The following SLFN13 variants were observed in gnomAD, a reference collection of about 807,000 sequenced individuals.
The protein encoded by SLFN13 is schlafen-13.
In SLFN13, 43 loss-of-function variants were observed where a neutral mutation model predicts 50.6. The observed-to-expected ratio is 0.85, with a 90% confidence interval of 0.67 to 1.09. The LOEUF (loss-of-function observed/expected upper bound fraction) is 1.09, where lower values mean the gene tolerates loss of function less well. SLFN13 is among the 50% of genes least tolerant of loss of function. The pLI is 0.00. For missense variants in SLFN13, 881 were observed against 1,071.1 expected (o/e 0.82, Z 2.48); for synonymous variants, 339 against 386.5 (o/e 0.88, Z 1.44).
rs1351790272 is a variant in SLFN13 at position 35,438,151 on chromosome 17, T to C, written c.*2444A>G. On this transcript the variant is annotated 3_prime_UTR_variant, in exon 6 of 6. Transcript: ENST00000285013. ...AATTTACAGTTAATCTTGCTTAATC[T>C]TTTACTGGCTCATTTTTGGCTGTAT... is the stretch of plus-strand genomic sequence containing the variant. 1 of 152,000 alleles carries C rather than the reference T, an allele frequency of 6.6e-6. No individual in the cohort carries two copies. The highest frequency in any genetic ancestry group is 6.5e-5 in the Admixed American group (1 of 15,274). The allele number at this position is 152,000 out of a possible 1,614,324, so 9.4% of individuals were successfully genotyped here.
chr17:35,444,685 C>G lies in SLFN13; in HGVS notation c.996G>C (p.Met332Ile), dbSNP rs76028732. ...AGGGGCGGATGTACTTCTCCCTCAC[C>G]ATCCATGACTTGGGAGCTTCCGAGA... ...VVFSEAPKSW[M>I]VREKYIRPLT... Residue 332 changes from methionine to isoleucine, a missense_variant, in exon 3 of 6, where the codon ATG becomes ATC. Physicochemically the swap from Met to Ile is conservative, Grantham distance 10. Transcript: ENST00000285013. 4 of 1,614,200 alleles carry G rather than the reference C, an allele frequency of 2.5e-6. No individual in the cohort carries two copies. In the Admixed American group the frequency reaches 6.7e-5, roughly 27 times the overall value.
At position 35,440,247 on chromosome 17, in the gene SLFN13, G is replaced by A. The variant is rs902873867; in HGVS notation, c.*348C>T. On this transcript the variant is annotated 3_prime_UTR_variant, in exon 6 of 6. Coordinates refer to ENST00000285013, the MANE Select transcript of SLFN13 (RefSeq NM_144682.6). ...AAAAGAACTCGAGAACTCCAGCCTTGGAAGAAAGGCCACAGGCTGAGTTTC... is the reference window on the plus strand; with the variant it reads ...AAAAGAACTCGAGAACTCCAGCCTTAGAAGAAAGGCCACAGGCTGAGTTTC... 28 of 230,638 alleles carry A rather than the reference G, an allele frequency of 1.2e-4. No homozygotes were observed. In the Admixed American group the frequency reaches 1.4e-3, roughly 12 times the overall value. 14.3% of individuals were successfully genotyped at this position (230,638 alleles called of 1,614,324 possible). A position where few individuals can be genotyped will look rare whatever the true frequency, so the allele number is the denominator to read the frequency against.
intron 3 of SLFN13, 53 bp downstream of exon 3, chr17:35,444,562 G>A (rs1371075394): frequency 8.2e-6 from 12 of 1,468,152 alleles, no homozygotes; most frequent in Admixed American, 1.9e-5. Flanking sequence ...GAAGGAAGTG[G>A]TATTGGGGAA....
chr17:35,440,959 G>A lies in SLFN13; in HGVS notation c.2330C>T (p.Thr777Ile), dbSNP rs1459924720. The change falls in exon 6 of 6, where the codon ACA becomes ATA. Residue 777 changes from threonine to isoleucine, a missense_variant. Physicochemically the swap from Thr to Ile is moderately conservative, Grantham distance 89. Around this residue, in one of 5 missense-constraint regions of SLFN13, gnomAD observed 322 missense variants for 327.4 expected, o/e 0.98. Coordinates refer to ENST00000285013, the MANE Select transcript of SLFN13 (RefSeq NM_144682.6). ...AKWVPGVPGN[T>I]KIIKNFTLEQ... ...CAAAGTAAAGTTTTTAATAATCTTT[G>A]TGTTGCCTGGAACACCTGGAACCCA... The A allele has an allele frequency of 4.3e-6, 7 of 1,613,126 alleles. No homozygotes were observed. The African/African-American group carries it at 9.3e-5, about 22-fold the overall frequency.
Position 35,442,156 on chromosome 17 carries a change from T to C in SLFN13, c.1329A>G (p.Arg443=). Residue 443 remains arginine (R), a synonymous_variant, in exon 5 of 6, where the codon AGA becomes AGG. Coordinates refer to ENST00000285013, the MANE Select transcript of SLFN13 (RefSeq NM_144682.6). ...PFSQGIVILS[R]SWAVDLNLQE... ...GCAAGTTCAGGTCCACAGCCCAGCT[T>C]CTAGAGAGGATCACAATTCCCTGGG... 1 of 1,614,228 alleles carries C rather than the reference T, an allele frequency of 6.2e-7. No individual in the cohort carries two copies.
chr17:35,444,232 T>G lies in SLFN13; in HGVS notation c.1067-312A>C, dbSNP rs186039921. On this transcript the variant is annotated intron_variant, in intron 3 of 5. Transcript: ENST00000285013. Reference sequence around the variant, plus strand: ...TAATCATCAGGTTTTTATATCCCTGTGCACGCACCTCCACTAACCTCAACT... The same window carrying G: ...TAATCATCAGGTTTTTATATCCCTGGGCACGCACCTCCACTAACCTCAACT... Among the ~76,000 whole-genome samples, 276 of 152,346 alleles carry G rather than the reference T, an allele frequency of 1.8e-3. 2 individuals carry two copies. The highest frequency in any genetic ancestry group is 6.1e-3 in the African/African-American group (255 of 41,584).
intron 3 of SLFN13, 38 bp downstream of exon 3, chr17:35,444,577 T>C (rs374996671): frequency 1.3e-6 from 2 of 1,566,246 alleles, no homozygotes; most frequent in African/African-American, 2.7e-5. Context: ...GGGGAAGAGG[T>C]AGAAAGGTCA....
At chr17:35,448,330 C>G (rs1462199727) in intron 1 of SLFN13, 1 of 152,270 alleles carries the variant, frequency 6.6e-6, no homozygotes, top group African/African-American at 2.4e-5. Context: ...GTTCCGCCCC[C>G]GCGGAAACCG....
chr17:35,441,074 C>T lies in SLFN13; in HGVS notation c.2215G>A (p.Glu739Lys), dbSNP rs146777094. Residue 739 changes from glutamate (E) to lysine (K), a missense_variant, in exon 6 of 6, where the codon GAG (glutamate) becomes AAG (lysine). Transcript: ENST00000285013. ...RVVRNADEIA[E>K]YIQQEMQLII... Reference sequence around the variant, plus strand: ...AGTTGCATTTCTTGTTGTATGTACTCGGCTATTTCATCTGCATTGCGAACT... The same window carrying T: ...AGTTGCATTTCTTGTTGTATGTACTTGGCTATTTCATCTGCATTGCGAACT... The T allele has an allele frequency of 5.6e-6, 9 of 1,613,760 alleles. No individual in the cohort carries two copies. The highest frequency in any genetic ancestry group is 2.2e-5 in the South Asian group (2 of 91,078).
chr17:35,449,258 AAAT>A (rs370054119), upstream of SLFN13, among the ~76,000 whole-genome samples: 43 of 140,852 alleles, frequency 3.1e-4, no homozygotes, highest in African/African-American at 8.2e-4. Context: ...AAAAAAAAAA[AAAT>A]GTCTGGAAAC....
At chr17:35,447,636 C>T (rs769640138) in intron 1 of SLFN13, among the ~76,000 whole-genome samples, 16 of 152,186 alleles carry the variant, frequency 1.1e-4, no homozygotes, top group Non-Finnish European at 1.5e-4. Context: ...CCCCACCCCA[C>T]TGAGGAAAAC....
At chr17:35,445,894 A>C (rs888403542) in intron 2 of SLFN13, 2 of 501,670 alleles carry the variant, frequency 4.0e-6, no homozygotes, top group African/African-American at 3.9e-5. Context: ...ATCATCTGTG[A>C]CATGGGCTCT....
At position 35,436,558 on chromosome 17, in the gene SLFN13, C is replaced by T. The variant is rs1180653463; in HGVS notation, c.*4037G>A. ...GCACAGTAGGGAAACCTGGCAGACG[C>T]CACTTTATCCAAATGATCAGAGTTA... On this transcript the variant is annotated 3_prime_UTR_variant, in exon 6 of 6. Transcript: ENST00000285013. 1 of 152,030 alleles carries T rather than the reference C, an allele frequency of 6.6e-6. No individual in the cohort carries two copies. Among genetic ancestry groups the T allele is most frequent in the Non-Finnish European group, 1.5e-5 (1 of 68,026 alleles). 9.4% of individuals were successfully genotyped at this position (152,030 alleles called of 1,614,324 possible).
In SLFN13 at chr17:35,438,927, T is replaced by C. The variant is rs1244740894; in HGVS notation, c.*1668A>G. 4.6e-5 allele frequency: 7 copies of C among 152,178 alleles called. No homozygotes were observed. The highest frequency in any genetic ancestry group is 8.8e-5 in the Non-Finnish European group (6 of 68,010). The allele number at this position is 152,178 out of a possible 1,614,324, so 9.4% of individuals were successfully genotyped here. ...TTAAGTATCAGTGTTTTTAGTTTGA[T>C]GAATGATCATACAGCTGTGTTCTCA... On this transcript the variant is annotated 3_prime_UTR_variant, in exon 6 of 6. Coordinates refer to ENST00000285013, the MANE Select transcript of SLFN13 (RefSeq NM_144682.6).
At chr17:35,444,287 G>A (rs1182845765) in intron 3 of SLFN13, among the ~76,000 whole-genome samples, 1 of 152,162 alleles carries the variant, frequency 6.6e-6, no homozygotes, top group Non-Finnish European at 1.5e-5. Context: ...ACTAGCTCTT[G>A]TCTCCCAGAG....
chr17:35,441,086 CT>C lies in SLFN13; in HGVS notation c.2202del (p.Asp735MetfsTer3). ...TGTTGTATGTACTCGGCTATTTCAT[CT>C]GCATTGCGAACTACTCTGGTGAGCT... Reference protein sequence around the residue: ...REELTRVVRNADEIAEYIQQE... With the variant: ...REELTRVVRNXDEIAEYIQQE... On this transcript the variant is annotated frameshift_variant, in exon 6 of 6. Transcript: ENST00000285013. LOFTEE classifies it low-confidence loss of function (END_TRUNC). 4.3e-6 allele frequency: 7 copies of C among 1,614,032 alleles called. No homozygotes were observed. The highest frequency in any genetic ancestry group is 5.1e-6 in the Non-Finnish European group (6 of 1,180,008).
Position 35,444,769 on chromosome 17 carries a change from C to G in SLFN13, c.912G>C (p.Gly304=). The change falls in exon 3 of 6, where the codon GGG becomes GGC. Residue 304 remains glycine (G), a synonymous_variant. Coordinates refer to ENST00000285013, the MANE Select transcript of SLFN13 (RefSeq NM_144682.6). ...CACAGAGATAGCCATACAACTCTTT[C>G]CCACAAAACACTTCTACGATTTTGG... ...YSTKIVEVFC[G]KELYGYLCVI... 6.2e-7 allele frequency: 1 copy of G among 1,614,184 alleles called. No homozygotes were observed. Among genetic ancestry groups the G allele is most frequent in the Non-Finnish European group, 8.5e-7 (1 of 1,180,018 alleles).
At chr17:35,448,323 C>T (rs1002804106) in intron 1 of SLFN13, 12 of 152,248 alleles carry the variant, frequency 7.9e-5, no homozygotes, top group African/African-American at 2.7e-4. Context: ...CCTGTTTGTT[C>T]CGCCCCCGCG....
Position 35,445,494 on chromosome 17 carries a change from T to C in SLFN13, c.187A>G (p.Met63Val), listed in dbSNP as rs1452139719. 1.2e-6 allele frequency: 2 copies of C among 1,614,206 alleles called. No homozygotes were observed. Among genetic ancestry groups the C allele is most frequent in the Non-Finnish European group, 1.7e-6 (2 of 1,180,030 alleles). The change falls in exon 3 of 6, where the codon ATG becomes GTG. Residue 63 changes from methionine to valine, a missense_variant. Met to Val is a conservative substitution (Grantham distance 21). Around this residue, in one of 5 missense-constraint regions of SLFN13, gnomAD observed 497 missense variants for 518.3 expected, o/e 0.96. Coordinates refer to ENST00000285013, the MANE Select transcript of SLFN13 (RefSeq NM_144682.6). ...CGCTCATCCCTGTTGGCCATTTCCA[T>C]CTGAATCACTCCTCCTCCTGAGTTT... ...LLNSGGGVIQMEMANRDERPT... is the reference protein window; with the variant it reads ...LLNSGGGVIQVEMANRDERPT...
Sources: gnomAD v4.1 joint callset for allele counts (sites outside exome capture counted in the v4.1 genomes callset) on GRCh38, gnomAD v4.1.1 for gene constraint, gnomAD v4.1.1 regional missense constraint, MANE v1.5 for transcripts, NCBI Gene and HGNC (gene_info 2026-07-23, HGNC 2026-07-21) for gene names.